The following EYS variants were observed in gnomAD, a reference collection of about 807,000 sequenced individuals.
EYS encodes EGF-like photoreceptor maintenance factor, also known as protein eyes shut homolog.
In EYS, 250 loss-of-function variants were observed where a neutral mutation model predicts 282.1. The ratio of observed to expected loss-of-function variants is 0.89; its 90% CI spans 0.80 to 0.98. The LOEUF is 0.98. Ranked by LOEUF, EYS falls within the 50% of genes least tolerant of loss-of-function variation. EYS has a pLI of 0.00. For missense variants in EYS, 4,016 were observed against 3,709.0 expected, an observed-to-expected ratio of 1.08 and a Z score of -2.15; for synonymous variants, 1,355 against 1,282.9, an observed-to-expected ratio of 1.06 and a Z score of -1.20.
intron 31 of EYS, among the ~76,000 whole-genome samples, chr6:64,124,514 G>A (rs140622788): frequency 5.1e-4 from 77 of 152,254 alleles, no homozygotes; most frequent in Non-Finnish European, 1.0e-3. Context: ...TCTACAGGCC[G>A]GAATTTTAAC....
chr6:65,642,533 A>AT (rs11299994), intron 1 of EYS, among the ~76,000 whole-genome samples: 14 of 151,484 alleles, frequency 9.2e-5, no homozygotes, highest in South Asian at 2.1e-4. Flanking sequence ...CAATCATTTT[A>AT]TTTTTTTTTA....
intron 5 of EYS, among the ~76,000 whole-genome samples, chr6:65,443,926 G>A (rs1192182027): frequency 6.6e-6 from 1 of 151,476 alleles, no homozygotes; most frequent in East Asian, 1.9e-4. Context: ...ATATCCATAA[G>A]ATCAGAAGAA....
intron 12 of EYS, among the ~76,000 whole-genome samples, chr6:65,255,971 C>T (rs1368055161): frequency 6.6e-6 from 1 of 151,980 alleles, no homozygotes; most frequent in Non-Finnish European, 1.5e-5. Flanking sequence ...ATAAATCTAC[C>T]ATATGATCCA....
intron 12 of EYS, among the ~76,000 whole-genome samples, chr6:65,258,534 A>C (rs1767533549): frequency 6.6e-6 from 1 of 152,058 alleles, no homozygotes; most frequent in Admixed American, 6.6e-5. Context: ...TATATGTCAC[A>C]AGCTGTGGGG....
chr6:64,699,556 A>G (rs867768030), intron 22 of EYS, among the ~76,000 whole-genome samples: 2 of 152,142 alleles, frequency 1.3e-5, no homozygotes, highest in African/African-American at 4.8e-5. Context: ...ATCAGAGACT[A>G]CTGTGAACAA....
intron 23 of EYS, among the ~76,000 whole-genome samples, chr6:64,620,430 G>A (rs902953659): frequency 2.0e-5 from 3 of 152,108 alleles, no homozygotes; most frequent in East Asian, 1.9e-4. Flanking sequence ...GTCTCCATCA[G>A]AGCCTTCAGA....
intron 26 of EYS, among the ~76,000 whole-genome samples, chr6:64,563,401 G>C (rs377486959): frequency 6.6e-5 from 10 of 152,052 alleles, no homozygotes; most frequent in African/African-American, 2.4e-4. Context: ...ACAAACACGA[G>C]TATAATCATT....
At chr6:64,365,408 T>C (rs917645267) in intron 29 of EYS, among the ~76,000 whole-genome samples, 1 of 152,002 alleles carries the variant, frequency 6.6e-6, no homozygotes, top group Admixed American at 6.6e-5. Flanking sequence ...AACATCACCA[T>C]AGGGCAAGCT....
At chr6:64,215,098 A>C (rs1765890749) in intron 31 of EYS, among the ~76,000 whole-genome samples, 2 of 152,022 alleles carry the variant, frequency 1.3e-5, no homozygotes, top group African/African-American at 4.8e-5. Context: ...ACTAAAATTG[A>C]GATCAAAATT....
At chr6:64,722,894 G>A (rs1417896374) in intron 22 of EYS, among the ~76,000 whole-genome samples, 2 of 152,096 alleles carry the variant, frequency 1.3e-5, no homozygotes, top group South Asian at 2.1e-4. Context: ...TTCGCCTGAT[G>A]TTATGCTAGG....
At chr6:64,666,878 C>G (rs558413515) in intron 22 of EYS, among the ~76,000 whole-genome samples, 4 of 152,248 alleles carry the variant, frequency 2.6e-5, no homozygotes, top group Admixed American at 6.5e-5. Flanking sequence ...TCAGTCGACT[C>G]CTTTGAGAGT....
intron 13 of EYS, among the ~76,000 whole-genome samples, chr6:65,042,291 A>AT (rs1427208173): frequency 6.6e-6 from 1 of 151,224 alleles, no homozygotes. Context: ...CTGGGCCTTG[A>AT]TTTTTTTATC....
chr6:64,992,074 G>A (rs943727568), intron 14 of EYS, among the ~76,000 whole-genome samples: 17 of 151,740 alleles, frequency 1.1e-4, no homozygotes, highest in Admixed American at 6.6e-5. Context: ...TTTTAAGCAC[G>A]TGTCTTTTCA....
At chr6:64,102,119 G>A (rs1236051286) in intron 31 of EYS, among the ~76,000 whole-genome samples, 2 of 152,046 alleles carry the variant, frequency 1.3e-5, no homozygotes, top group African/African-American at 2.4e-5. Context: ...ACCATGGCCC[G>A]GGTGCTAGGA....
chr6:65,673,377 A>C (rs527960016), intron 1 of EYS, among the ~76,000 whole-genome samples: 2 of 152,180 alleles, frequency 1.3e-5, no homozygotes, highest in South Asian at 4.1e-4. Flanking sequence ...CATTTGTCAT[A>C]TACAATGATT....
Position 65,428,905 on chromosome 6 carries a change from G to A in EYS, c.863-23538C>T, listed in dbSNP as rs114712089. Among the ~76,000 whole-genome samples, 1,305 of 152,166 alleles carry A rather than the reference G, an allele frequency of 8.6e-3. 17 individuals are homozygous for A. The highest frequency in any genetic ancestry group is 0.029 in the African/African-American group (1,218 of 41,504). ...CTATAAATAAAAGATGTTCTGAGCC[G>A]GGCGTGGTGGCTCATGCCTATAATC... is the stretch of plus-strand genomic sequence containing the variant. On this transcript the variant is annotated intron_variant, in intron 5 of 42. Transcript: ENST00000503581.
chr6:64,383,678 C>T (rs1474518491), intron 29 of EYS, among the ~76,000 whole-genome samples: 1 of 152,166 alleles, frequency 6.6e-6, no homozygotes, highest in Non-Finnish European at 1.5e-5. Context: ...AAGAGACTTA[C>T]ATTTGTTGTG....
In EYS at chr6:65,403,431, T is replaced by C. The variant is rs183663310; in HGVS notation, c.1057-826A>G. 4.7e-3 allele frequency among the ~76,000 whole-genome samples: 712 copies of C among 152,176 alleles called. 2 individuals carry two copies. Among genetic ancestry groups the C allele is most frequent in the African/African-American group, 0.011 (439 of 41,542 alleles). On this transcript the variant is annotated intron_variant, in intron 6 of 42. Transcript: ENST00000503581. The stretch of plus-strand genomic sequence containing the variant: ...ATCATCATCATCATTACCATCATTT[T>C]CATTATCATATTTATCTGAACAACA...
chr6:65,568,636 C>G (rs1313660022), intron 2 of EYS, among the ~76,000 whole-genome samples: 1 of 152,108 alleles, frequency 6.6e-6, no homozygotes, highest in African/African-American at 2.4e-5. Flanking sequence ...CAAAATTAGA[C>G]TAGGAAATTT....
Sources: gnomAD v4.1 joint callset for allele counts (sites outside exome capture counted in the v4.1 genomes callset) on GRCh38, gnomAD v4.1.1 for gene constraint, MANE v1.5 for transcripts, NCBI Gene and HGNC (gene_info 2026-07-23, HGNC 2026-07-21) for gene names.